USP34: variants seen among roughly 807,000 people sequenced by gnomAD.
USP34 encodes the protein ubiquitin carboxyl-terminal hydrolase 34.
Under a neutral mutation model 460.3 loss-of-function variants are expected in USP34, and 70 were observed. That is an observed-to-expected ratio of 0.15 (90% CI 0.13 to 0.19). The LOEUF is 0.19. Among genes scored for constraint, USP34 ranks in the 10% least tolerant of loss-of-function variants. USP34 has a pLI of 1.00. For synonymous variants in USP34, 1,647 were observed against 1,405.3 expected (o/e 1.17, Z -3.85); for missense variants, 3,985 against 4,236.2 (o/e 0.94, Z 1.65).
At chr2:61,273,583 T>C (rs1022169116) in intron 41 of USP34, among the ~76,000 whole-genome samples, 1 of 152,102 alleles carries the variant, frequency 6.6e-6, no homozygotes, top group Non-Finnish European at 1.5e-5. Flanking sequence ...CTGGGTGTGG[T>C]GCCAGGTGCC....
chr2:61,327,885 C>T (rs1184635778), intron 20 of USP34, among the ~76,000 whole-genome samples: 2 of 152,182 alleles, frequency 1.3e-5, no homozygotes, highest in Middle Eastern at 3.2e-3. Flanking sequence ...AAACAGTCTC[C>T]CCAAAGATAT....
rs2103792622 is a variant in USP34 at position 61,214,201 on chromosome 2, G to A, written c.8541C>T (p.Asn2847=). ...CATAGTACGCTGGCAGCATCCCACG[G>A]TTAAAAAGCACCACATCCTGATCAT... ...DHDDQDVVLF[N]RGMLPAYYGI... is the part of the protein sequence containing the mutation. Residue 2847 remains asparagine (N), a synonymous_variant, in exon 68 of 80, where the codon AAC becomes AAT. Coordinates refer to ENST00000398571, the MANE Select transcript of USP34 (RefSeq NM_014709.4). 2.5e-6 allele frequency: 4 copies of A among 1,614,182 alleles called. 1 individual carries two copies. The East Asian group carries it at 8.9e-5, about 36-fold the overall frequency.
chr2:61,215,487 T>C (rs1687370689), intron 67 of USP34, among the ~76,000 whole-genome samples: 1 of 152,196 alleles, frequency 6.6e-6, no homozygotes, highest in Non-Finnish European at 1.5e-5. Context: ...AAGCCTATGT[T>C]ATAATGCTGA....
intron 18 of USP34, among the ~76,000 whole-genome samples, chr2:61,336,511 A>AG (rs1016606343): frequency 1.4e-5 from 2 of 144,888 alleles, no homozygotes; most frequent in African/African-American, 5.0e-5. Flanking sequence ...GCACAAAGAG[A>AG]AAAAAAAAAA....
At chr2:61,461,002 A>T (rs1695582811) in intron 1 of USP34, among the ~76,000 whole-genome samples, 1 of 151,912 alleles carries the variant, frequency 6.6e-6, no homozygotes, top group Non-Finnish European at 1.5e-5. Context: ...AAGAAAAAAA[A>T]AACAGGTAAA....
chr2:61,381,074 G>A (rs976916270), intron 6 of USP34, among the ~76,000 whole-genome samples: 1 of 152,008 alleles, frequency 6.6e-6, no homozygotes, highest in Non-Finnish European at 1.5e-5. Context: ...CACTGCGGAA[G>A]GCTGCAGGAT....
At chr2:61,196,081 T>TA (rs1686797818) in intron 75 of USP34, among the ~76,000 whole-genome samples, 1 of 120,926 alleles carries the variant, frequency 8.3e-6, no homozygotes, top group African/African-American at 3.2e-5. Context: ...TTTTTTTTTT[T>TA]TTTTTTTTTT....
chr2:61,196,530 C>T (rs1259948014), intron 75 of USP34, among the ~76,000 whole-genome samples: 2 of 151,758 alleles, frequency 1.3e-5, no homozygotes, highest in Non-Finnish European at 2.9e-5. Flanking sequence ...CAGCCCTAAA[C>T]AATTTTTTTT....
intron 32 of USP34, 97 bp downstream of exon 32, chr2:61,294,842 TTAATAGTATA>T (rs1689977102): frequency 1.1e-6 from 1 of 901,564 alleles, no homozygotes; most frequent in African/African-American, 1.7e-5. Context: ...ATGCTTTATT[TTAATAGTATA>T]TTAGTTTAAA....
At chr2:61,271,691 G>T (rs1196994916) in intron 41 of USP34, among the ~76,000 whole-genome samples, 1 of 152,122 alleles carries the variant, frequency 6.6e-6, no homozygotes, top group Non-Finnish European at 1.5e-5. Context: ...AGAGGAGAAA[G>T]GAGGGGAAGA....
At chr2:61,318,231 G>C (rs889746895) in intron 22 of USP34, among the ~76,000 whole-genome samples, 3 of 150,138 alleles carry the variant, frequency 2.0e-5, no homozygotes. Context: ...GTGATTTAAT[G>C]AACATTTTAT....
chr2:61,246,290 T>C (rs999631966), intron 50 of USP34, 34 bp downstream of exon 50: 8 of 1,466,960 alleles, frequency 5.5e-6, no homozygotes, highest in East Asian at 2.5e-5. Context: ...CTACCATAAA[T>C]TGTTAAAGAA....
intron 61 of USP34, among the ~76,000 whole-genome samples, chr2:61,228,220 A>AAT (rs1379761700): frequency 6.6e-6 from 1 of 152,238 alleles, no homozygotes; most frequent in Non-Finnish European, 1.5e-5. Flanking sequence ...CATACAACCT[A>AAT]ATGCATTTGT....
chr2:61,225,906 T>C (rs1258864209), intron 62 of USP34, among the ~76,000 whole-genome samples: 4 of 152,246 alleles, frequency 2.6e-5, no homozygotes, highest in East Asian at 3.8e-4. Context: ...CATGGCCTTC[T>C]TGAGCTTAAG....
chr2:61,251,839 A>AT (rs941690046), intron 48 of USP34, among the ~76,000 whole-genome samples: 1 of 152,026 alleles, frequency 6.6e-6, no homozygotes, highest in South Asian at 2.1e-4. Flanking sequence ...CCATTTGGAC[A>AT]TTTTTTTCTT....
intron 1 of USP34, among the ~76,000 whole-genome samples, chr2:61,453,545 A>G (rs1241000809): frequency 6.6e-6 from 1 of 151,750 alleles, no homozygotes; most frequent in Non-Finnish European, 1.5e-5. Context: ...CCCCATCTCT[A>G]CTAAAAATAC....
intron 10 of USP34, among the ~76,000 whole-genome samples, chr2:61,354,436 C>A (rs767689106): frequency 6.6e-6 from 1 of 152,152 alleles, no homozygotes; most frequent in South Asian, 2.1e-4. Flanking sequence ...TTAAGACATT[C>A]GCAGAAAAAA....
At chr2:61,431,040 G>A (rs973317057) in intron 1 of USP34, among the ~76,000 whole-genome samples, 1 of 151,918 alleles carries the variant, frequency 6.6e-6, no homozygotes, top group Non-Finnish European at 1.5e-5. Flanking sequence ...GAAACGAAAT[G>A]AAATGAAACG....
rs1491197501 is a variant in USP34 at position 61,378,912 on chromosome 2, C to CAAAAAAAAAAA, written c.1015-489_1015-488insTTTTTTTTTTT. Among the ~76,000 whole-genome samples, 23 of 8,628 alleles carry CAAAAAAAAAAA rather than the reference C, an allele frequency of 2.7e-3. 1 individual carries two copies. The highest frequency in any genetic ancestry group is 3.2e-3 in the Non-Finnish European group (15 of 4,750). The allele number at this position is 8,628 out of a possible 152,430, so 5.7% of individuals were successfully genotyped here. A position where few individuals can be genotyped will look rare whatever the true frequency, so the allele number is the denominator to read the frequency against. The stretch of plus-strand genomic sequence containing the variant: ...AGAGTGAGAGTCCATCTCAAAAAAA[C>CAAAAAAAAAAA]GAAAAAAAAAAAAAAAAAAAAAAAA... On this transcript the variant is annotated intron_variant, in intron 7 of 79. Transcript: ENST00000398571.
Sources: gnomAD v4.1 joint callset for allele counts (sites outside exome capture counted in the v4.1 genomes callset) on GRCh38, gnomAD v4.1.1 for gene constraint, MANE v1.5 for transcripts, NCBI Gene and HGNC (gene_info 2026-07-23, HGNC 2026-07-21) for gene names.